AK6: variants seen among roughly 807,000 people sequenced by gnomAD.
AK6 encodes the protein adenylate kinase isoenzyme 6.
In AK6, 24 loss-of-function variants were observed where a neutral mutation model predicts 23.7. The observed-to-expected ratio is 1.01, with a 90% CI of 0.73 to 1.43. The LOEUF is 1.43. Among genes scored for constraint, AK6 ranks in the 40% most tolerant of loss-of-function variants. AK6 has a pLI of 0.00. For missense variants in AK6, 191 were observed against 199.1 expected (o/e 0.96, Z 0.24); for synonymous variants, 73 against 69.8 (o/e 1.05, Z -0.23).
chr5:69,356,815 A>G (rs564564085), intron 2 of AK6, among the ~76,000 whole-genome samples: 4 of 152,320 alleles, frequency 2.6e-5, no homozygotes, highest in Admixed American at 1.3e-4. Flanking sequence ...GCCGTTCCTC[A>G]TAAGAGTTAA....
rs911356707 is a variant in AK6, at chr5:69,364,217, AT to A, written c.121+2285del. ...AAAAAAATATTTTAAATTAAAAAAA[AT>A]ATATATATATATAAACACTATAACC... is the stretch of plus-strand genomic sequence containing the variant. On this transcript the variant is annotated intron_variant, in intron 2 of 4. Coordinates refer to ENST00000380822, the MANE Select transcript of AK6 (RefSeq NM_016283.5). Among the ~76,000 whole-genome samples the A allele has an allele frequency of 8.2e-4, 123 of 150,094 alleles. 2 individuals carry two copies. The highest frequency in any genetic ancestry group is 2.3e-3 in the African/African-American group (93 of 41,166).
Position 69,369,380 on chromosome 5 carries a change from C to A in AK6, c.28+83G>T, listed in dbSNP as rs917480036. 7.0e-5 allele frequency: 106 copies of A among 1,523,264 alleles called. No homozygotes were observed. The African/African-American group carries it at 1.3e-3, about 19-fold the overall frequency. 94.4% of individuals were successfully genotyped at this position (1,523,264 alleles called of 1,614,324 possible). The stretch of plus-strand genomic sequence containing the variant: ...GGCCTCTGAAGAGGGCAGTGAGGGG[C>A]CCCCACCTGGGCGCCCGATGCCCAG... On this transcript the variant is annotated intron_variant, in intron 1 of 4. Coordinates refer to ENST00000380822, the MANE Select transcript of AK6 (RefSeq NM_016283.5).
At chr5:69,361,288 A>AT (rs1762227818) in intron 2 of AK6, among the ~76,000 whole-genome samples, 1 of 151,626 alleles carries the variant, frequency 6.6e-6, no homozygotes, top group South Asian at 2.1e-4. Context: ...CGCCCGGCTA[A>AT]TTTTTTGTAT....
At chr5:69,360,935 A>G (rs1039190334) in intron 2 of AK6, among the ~76,000 whole-genome samples, 2 of 152,166 alleles carry the variant, frequency 1.3e-5, no homozygotes, top group Admixed American at 1.3e-4. Flanking sequence ...TACAATTTCT[A>G]CTGGAAATGG....
intron 1 of AK6, chr5:69,367,909 A>C (rs1222542876): frequency 6.6e-6 from 1 of 152,250 alleles, no homozygotes. Context: ...TCGCGCGTGT[A>C]ATCCCAGCAA....
rs1251264678 is a variant in AK6, at chr5:69,353,277, T to C, written c.327-1024A>G. Among the ~76,000 whole-genome samples, 4 of 152,098 alleles carry C rather than the reference T, an allele frequency of 2.6e-5. No individual in the cohort carries two copies. The East Asian group carries it at 5.8e-4, about 22-fold the overall frequency. On this transcript the variant is annotated intron_variant, in intron 4 of 4. Coordinates refer to ENST00000380822, the MANE Select transcript of AK6 (RefSeq NM_016283.5). ...AATGGGGAGTGACTACTACTGGGTA[T>C]GGGGTTCCTTTCTGGGGTGACAAAA...
chr5:69,365,768 GA>G, intron 2 of AK6: 2 of 1,482,574 alleles, frequency 1.3e-6, no homozygotes, highest in Non-Finnish European at 1.8e-6. Flanking sequence ...TAGATCATTT[GA>G]AAAAAATATG....
chr5:69,365,348 T>C (rs751637177), intron 2 of AK6: 3 of 1,614,242 alleles, frequency 1.9e-6, no homozygotes, highest in Non-Finnish European at 2.5e-6. Flanking sequence ...TCTGTAAAGA[T>C]TTCAGCCTAT....
Position 69,351,920 on chromosome 5 carries a change from AAC to A in AK6, c.*139_*140del, listed in dbSNP as rs1468929201. 2.0e-6 allele frequency: 1 copy of A among 497,334 alleles called. No homozygotes were observed. Among genetic ancestry groups the A allele is most frequent in the Non-Finnish European group, 3.3e-6 (1 of 305,158 alleles). The allele number at this position is 497,334 out of a possible 1,614,324, so 30.8% of individuals were successfully genotyped here. ...TTTAGCTTTCTCATGGAGAAAAAGAAACACAGGCATAAACCTATATACTATCC... is the reference window on the plus strand; with the variant it reads ...TTTAGCTTTCTCATGGAGAAAAAGAAACAGGCATAAACCTATATACTATCC... On this transcript the variant is annotated 3_prime_UTR_variant, in exon 5 of 5. Coordinates refer to ENST00000380822, the MANE Select transcript of AK6 (RefSeq NM_016283.5).
intron 2 of AK6, among the ~76,000 whole-genome samples, chr5:69,358,538 A>G (rs7445681): frequency 6.6e-6 from 1 of 151,162 alleles, no homozygotes; most frequent in African/African-American, 2.4e-5. Context: ...AAAAAAAAAA[A>G]AAAAGAAAGA....
chr5:69,369,660 G>C, upstream of AK6: 1 of 1,559,160 alleles, frequency 6.4e-7, no homozygotes, highest in Non-Finnish European at 8.7e-7. Flanking sequence ...TGGTTACCTG[G>C]CTTTCGATGA....
intron 2 of AK6, among the ~76,000 whole-genome samples, chr5:69,362,944 A>C (rs1222700836): frequency 6.6e-6 from 1 of 152,180 alleles, no homozygotes; most frequent in Non-Finnish European, 1.5e-5. Flanking sequence ...AATGGTGTTG[A>C]GTACTTGAGG....
chr5:69,365,642 C>T, intron 2 of AK6: 1 of 1,613,890 alleles, frequency 6.2e-7, no homozygotes, highest in Non-Finnish European at 8.5e-7. Flanking sequence ...TAACTCTTGG[C>T]TCATATTCTG....
chr5:69,358,636 G>T (rs529317113), intron 2 of AK6, among the ~76,000 whole-genome samples: 1 of 151,756 alleles, frequency 6.6e-6, no homozygotes, highest in Non-Finnish European at 1.5e-5. Flanking sequence ...AGTCCCAGAG[G>T]CTATCAAGTC....
chr5:69,364,337 G>GA (rs1283803572), intron 2 of AK6, among the ~76,000 whole-genome samples: 4 of 151,942 alleles, frequency 2.6e-5, no homozygotes, highest in African/African-American at 9.7e-5. Flanking sequence ...CCTGCAAAAA[G>GA]AGACACTTAT....
At chr5:69,365,549 T>C in intron 2 of AK6, 1 of 1,613,996 alleles carries the variant, frequency 6.2e-7, no homozygotes, top group South Asian at 1.1e-5. Context: ...CAACAGTAGC[T>C]TTCTTAGCAT....
intron 2 of AK6, chr5:69,365,508 C>T: frequency 6.2e-7 from 1 of 1,613,842 alleles, no homozygotes; most frequent in East Asian, 2.2e-5. Flanking sequence ...ATCAGCGCGG[C>T]ACTGGATTGC....
chr5:69,363,447 T>C (rs1028285799), intron 2 of AK6, among the ~76,000 whole-genome samples: 4 of 152,210 alleles, frequency 2.6e-5, no homozygotes, highest in Non-Finnish European at 4.4e-5. Flanking sequence ...AAAATGGTGG[T>C]GTTCAACAGT....
chr5:69,351,480 T>C lies in AK6; in HGVS notation c.*581A>G, dbSNP rs1580297926. The C allele has an allele frequency of 6.6e-6, 1 of 152,334 alleles. No individual in the cohort carries two copies. Among genetic ancestry groups the C allele is most frequent in the East Asian group, 1.9e-4 (1 of 5,186 alleles). The allele number at this position is 152,334 out of a possible 1,614,324, so 9.4% of individuals were successfully genotyped here. On this transcript the variant is annotated 3_prime_UTR_variant, in exon 5 of 5. Coordinates refer to ENST00000380822, the MANE Select transcript of AK6 (RefSeq NM_016283.5). ...GTACAGAATAGTGTGCATAATATAC[T>C]GTTATATTCTTTAAAAAATGTACAC... is the stretch of plus-strand genomic sequence containing the variant.
Sources: allele counts gnomAD v4.1 joint callset (sites outside exome capture counted in the v4.1 genomes callset), GRCh38; gene constraint gnomAD v4.1.1; transcripts MANE v1.5; gene names NCBI Gene and HGNC (gene_info 2026-07-23, HGNC 2026-07-21).